Variants in OR7E24 observed in about 807,000 individuals in gnomAD.
The protein encoded by OR7E24 is olfactory receptor family 7 subfamily E member 24, also known as olfactory receptor 7E24.
For synonymous variants in OR7E24, 130 were observed against 157.5 expected, an observed-to-expected ratio of 0.83 and a Z score of 1.31; for missense variants, 385 against 410.3, an observed-to-expected ratio of 0.94 and a Z score of 0.53.
chr19:9,230,600 G>A, the OR7E24 span, among the ~76,000 whole-genome samples: 3 of 152,014 alleles, frequency 2.0e-5, no homozygotes, highest in Non-Finnish European at 1.5e-5. Context: ...TCTGTCCTAC[G>A]CAAGGTATTG....
chr19:9,206,497 T>C, the OR7E24 span: 1 of 152,214 alleles, frequency 6.6e-6, no homozygotes, highest in Non-Finnish European at 1.5e-5. Flanking sequence ...TTCCGAGCAA[T>C]GACCCTGGTA....
chr19:9,232,554 A>AC, the OR7E24 span, among the ~76,000 whole-genome samples: 1 of 151,668 alleles, frequency 6.6e-6, no homozygotes, highest in East Asian at 1.9e-4. Context: ...AAAAAAAAAA[A>AC]AAAAAAGATT....
At chr19:9,239,686 A>T in the OR7E24 span, among the ~76,000 whole-genome samples, 1 of 149,304 alleles carries the variant, frequency 6.7e-6, no homozygotes, top group Non-Finnish European at 1.5e-5. Flanking sequence ...TACAGTCTTA[A>T]TATTCTTTCT....
At chr19:9,236,097 A>C in the OR7E24 span, 33 of 1,304,124 alleles carry the variant, frequency 2.5e-5, no homozygotes, top group Non-Finnish European at 3.2e-5. Flanking sequence ...ACACAACCTC[A>C]GAACTAAGAG....
chr19:9,243,000 T>G (rs944200718), upstream of OR7E24, among the ~76,000 whole-genome samples: 2 of 152,184 alleles, frequency 1.3e-5, no homozygotes, highest in East Asian at 1.9e-4. Context: ...AACCCCAGAT[T>G]GTAGAACATG....
the OR7E24 span, among the ~76,000 whole-genome samples, chr19:9,230,442 C>T: frequency 1.3e-5 from 2 of 152,118 alleles, no homozygotes; most frequent in African/African-American, 4.8e-5. Flanking sequence ...GAAGCTGAAG[C>T]CTCTTTCCGG....
At chr19:9,235,594 A>G in the OR7E24 span, 74 of 1,564,748 alleles carry the variant, frequency 4.7e-5, no homozygotes, top group East Asian at 1.6e-3. Context: ...ATCTTGGTTC[A>G]TCATTTTCTG....
chr19:9,214,868 A>G, the OR7E24 span: 1 of 1,394,552 alleles, frequency 7.2e-7, no homozygotes, highest in Admixed American at 2.0e-5. Context: ...GGAAGGAGGA[A>G]AAAGCAACGT....
chr19:9,239,890 A>C, the OR7E24 span, among the ~76,000 whole-genome samples: 1 of 151,590 alleles, frequency 6.6e-6, no homozygotes, highest in Admixed American at 6.6e-5. Context: ...TGTATTTTTA[A>C]TAGAGATGGG....
At chr19:9,250,664 A>G (rs74403633), upstream of OR7E24, among the ~76,000 whole-genome samples, 939 of 152,362 alleles carry the variant, frequency 6.2e-3, 19 homozygotes, top group East Asian at 0.049. Context: ...TGGAATTTGT[A>G]GAATTGTATT....
chr19:9,209,654 CTT>C, the OR7E24 span: 267 of 141,206 alleles, frequency 1.9e-3, 1 homozygote, highest in South Asian at 0.012. Flanking sequence ...CAAAACATTT[CTT>C]TTTTTTTTTT....
chr19:9,229,990 A>G, the OR7E24 span, among the ~76,000 whole-genome samples: 1 of 152,070 alleles, frequency 6.6e-6, no homozygotes, highest in African/African-American at 2.4e-5. Context: ...GTACCTTTAG[A>G]GTAATAAGCC....
chr19:9,230,292 G>A, the OR7E24 span, among the ~76,000 whole-genome samples: 5 of 152,068 alleles, frequency 3.3e-5, no homozygotes, highest in Non-Finnish European at 7.4e-5. Flanking sequence ...TGATCCCCCT[G>A]CTTTGGCCTC....
chr19:9,208,338 G>A, the OR7E24 span: 2 of 152,084 alleles, frequency 1.3e-5, no homozygotes, highest in Admixed American at 1.3e-4. Flanking sequence ...GCCCAGCCCT[G>A]GTTTCTATTC....
the OR7E24 span, among the ~76,000 whole-genome samples, chr19:9,227,336 TCTC>T: frequency 1.3e-3 from 204 of 151,972 alleles, no homozygotes; most frequent in Non-Finnish European, 1.6e-3. Flanking sequence ...TTCAAGCTAT[TCTC>T]CTGCCTCAGC....
the OR7E24 span, among the ~76,000 whole-genome samples, chr19:9,239,770 G>A: frequency 1.4e-5 from 2 of 142,934 alleles, no homozygotes; most frequent in African/African-American, 5.2e-5. Flanking sequence ...GTGCAGTGGT[G>A]CAATCTGGGC....
upstream of OR7E24, among the ~76,000 whole-genome samples, chr19:9,246,353 C>G (rs1279347182): frequency 6.6e-6 from 1 of 152,004 alleles, no homozygotes; most frequent in East Asian, 1.9e-4. Flanking sequence ...CAGGCATGAG[C>G]CACCGCGCCG....
At chr19:9,244,501 A>G (rs1244422216), upstream of OR7E24, among the ~76,000 whole-genome samples, 2 of 152,266 alleles carry the variant, frequency 1.3e-5, no homozygotes, top group African/African-American at 4.8e-5. Flanking sequence ...TTCAAAATGC[A>G]GAAGAATGAA....
At chr19:9,226,676 C>T in the OR7E24 span, among the ~76,000 whole-genome samples, 1 of 152,180 alleles carries the variant, frequency 6.6e-6, no homozygotes, top group Non-Finnish European at 1.5e-5. Flanking sequence ...TAGCACAGGT[C>T]TTTGAATAAA....
Sources: gnomAD v4.1 joint callset for allele counts (sites outside exome capture counted in the v4.1 genomes callset) on GRCh38, gnomAD v4.1.1 for gene constraint, MANE v1.5 for transcripts, NCBI Gene and HGNC (gene_info 2026-07-23, HGNC 2026-07-21) for gene names.